Variants in CCDC197 observed in about 807,000 individuals in gnomAD.
The protein encoded by CCDC197 is uncharacterized protein CCDC197.
Under a neutral mutation model 13.4 loss-of-function variants are expected in CCDC197, and 24 were observed. That is an observed-to-expected ratio of 1.80 (90% CI 1.30 to 2.53). The LOEUF (loss-of-function observed/expected upper bound fraction) is 2.53, where lower values mean the gene tolerates loss of function less well. CCDC197 is among the 30% of genes most tolerant of loss of function. CCDC197 has a pLI of 0.00. For missense variants in CCDC197, 255 were observed against 148.8 expected, an observed-to-expected ratio of 1.71 and a Z score of -3.71; for synonymous variants, 99 against 55.5, an observed-to-expected ratio of 1.78 and a Z score of -3.48.
At position 93,988,333 on chromosome 14, in the gene CCDC197, G is replaced by A. The variant is rs111068082; in HGVS notation, c.-107+937G>A. On this transcript the variant is annotated intron_variant, in intron 1 of 7. Transcript: ENST00000640978. ...GGAGGAAGGATGGAAGGAGGGGAAG[G>A]GAGGAGCAGATGGGAGGAGGGAGAG... is the stretch of plus-strand genomic sequence containing the variant. Among the ~76,000 whole-genome samples the A allele has an allele frequency of 4.8e-3, 545 of 113,266 alleles. 13 individuals carry two copies. Among genetic ancestry groups the A allele is most frequent in the African/African-American group, 0.019 (508 of 26,748 alleles). 74.3% of individuals were successfully genotyped at this position (113,266 alleles called of 152,430 possible).
chr14:93,994,071 G>A (rs1432815107), upstream of CCDC197, among the ~76,000 whole-genome samples: 7 of 152,172 alleles, frequency 4.6e-5, no homozygotes, highest in South Asian at 8.3e-4. Context: ...GAGCCAGGGC[G>A]GTGAAGAGGG....
chr14:93,996,406 G>GTCAGGGA (rs1890307598), upstream of CCDC197, among the ~76,000 whole-genome samples: 2 of 151,984 alleles, frequency 1.3e-5, no homozygotes, highest in African/African-American at 4.8e-5. Context: ...CCCTGCCCCT[G>GTCAGGGA]CCCCTGAGCC....
exon 1 of CCDC197, chr14:93,987,313 G>C (rs12889718): frequency 0.29 from 44,331 of 152,328 alleles, 7,464 homozygotes; most frequent in African/African-American, 0.45. Flanking sequence ...CAGAGGTCTG[G>C]TTTCTGACCC....
intron 5 of CCDC197, 77 bp from the exon 6 acceptor site, chr14:94,004,778 C>G (rs900682267): frequency 1.5e-6 from 1 of 676,400 alleles, no homozygotes; most frequent in South Asian, 1.6e-5. Flanking sequence ...ACTTCGCTGG[C>G]TGGAGTGAGC....
At chr14:93,993,274 A>G (rs1890238174), upstream of CCDC197, among the ~76,000 whole-genome samples, 1 of 152,200 alleles carries the variant, frequency 6.6e-6, no homozygotes, top group African/African-American at 2.4e-5. Flanking sequence ...GTCAGAACAG[A>G]TACTCTCTTA....
downstream of CCDC197, among the ~76,000 whole-genome samples, chr14:94,009,740 G>A (rs1311217576): frequency 6.6e-6 from 1 of 152,062 alleles, no homozygotes; most frequent in African/African-American, 2.4e-5. Context: ...AAAAAAAACA[G>A]GGGTGGTGGT....
At chr14:94,011,021 G>A (rs1890799565), downstream of CCDC197, among the ~76,000 whole-genome samples, 1 of 152,162 alleles carries the variant, frequency 6.6e-6, no homozygotes, top group Non-Finnish European at 1.5e-5. Flanking sequence ...GCTGGTCCTG[G>A]GGTTACATTT....
At chr14:93,991,287 G>A (rs1490749810) in intron 1 of CCDC197, among the ~76,000 whole-genome samples, 2 of 152,200 alleles carry the variant, frequency 1.3e-5, no homozygotes, top group African/African-American at 2.4e-5. Flanking sequence ...ATGAAGTGAA[G>A]AGGCCATTCT....
chr14:93,991,578 G>C (rs888443688), intron 1 of CCDC197, among the ~76,000 whole-genome samples: 2 of 152,212 alleles, frequency 1.3e-5, no homozygotes, highest in Non-Finnish European at 2.9e-5. Flanking sequence ...TAGACACGGA[G>C]ACTCCAGCAG....
rs375848337 is a variant in CCDC197, at chr14:94,003,276, G to A, written c.420G>A (p.Glu140=). The A allele has an allele frequency of 1.0e-5, 8 of 780,756 alleles. No homozygotes were observed. The African/African-American group carries it at 1.2e-4, about 12-fold the overall frequency. 48.4% of individuals were successfully genotyped at this position (780,756 alleles called of 1,614,324 possible). Residue 140 remains glutamate (E), a synonymous_variant, in exon 5 of 7, where the codon GAG becomes GAA. Transcript: ENST00000636493. The surrounding 1 kb of genome is among the most constrained non-coding windows in gnomAD (Gnocchi z 5.0). ...QLQKKCYRKQ[E]QWWQLKHSIT... The stretch of plus-strand genomic sequence containing the variant: ...AGAAGAAGTGCTACCGCAAGCAGGA[G>A]CAGTGGTGGCAGCTGAAGCACAGCA...
chr14:94,005,246 A>G (rs1890648626), intron 6 of CCDC197, among the ~76,000 whole-genome samples: 1 of 152,232 alleles, frequency 6.6e-6, no homozygotes, highest in Non-Finnish European at 1.5e-5. Context: ...CATCACACAC[A>G]GGCACACGCA....
downstream of CCDC197, among the ~76,000 whole-genome samples, chr14:94,009,060 G>A (rs531097582): frequency 7.9e-5 from 12 of 152,330 alleles, no homozygotes; most frequent in East Asian, 2.3e-3. Context: ...GCAGCAGCCA[G>A]GCTGGAAGAT....
chr14:94,001,434 T>G (rs539677482), intron 4 of CCDC197, 111 bp downstream of exon 4: 38 of 560,482 alleles, frequency 6.8e-5, no homozygotes, highest in African/African-American at 5.9e-4. Context: ...AGCGGCGTAA[T>G]GCTGGGGGGC....
upstream of CCDC197, among the ~76,000 whole-genome samples, chr14:93,995,122 G>A (rs1320776703): frequency 2.0e-5 from 3 of 152,132 alleles, no homozygotes; most frequent in Admixed American, 1.3e-4. Context: ...AGTCACTCCC[G>A]CTGCCACGCT....
At chr14:94,002,488 C>T (rs867042340) in intron 4 of CCDC197, among the ~76,000 whole-genome samples, 1 of 152,108 alleles carries the variant, frequency 6.6e-6, no homozygotes, top group African/African-American at 2.4e-5. Context: ...TCCCACAGGG[C>T]CTGGCCAGGG....
chr14:93,994,988 A>G (rs1465309187), upstream of CCDC197, among the ~76,000 whole-genome samples: 1 of 152,166 alleles, frequency 6.6e-6, no homozygotes, highest in Non-Finnish European at 1.5e-5. Context: ...TATTTTGGGC[A>G]AGTTACTTAG....
intron 6 of CCDC197, among the ~76,000 whole-genome samples, chr14:94,007,923 G>GTAC (rs1290181122): frequency 3.3e-5 from 5 of 152,252 alleles, no homozygotes; most frequent in African/African-American, 1.2e-4. Context: ...CTCACAGGCA[G>GTAC]TACCGAGGCT....
Position 94,008,714 on chromosome 14 carries a change from C to A in CCDC197, c.721C>A (p.His241Asn), listed in dbSNP as rs1890753567. 1 of 702,824 alleles carries A rather than the reference C, an allele frequency of 1.4e-6. No individual in the cohort carries two copies. The allele number at this position is 702,824 out of a possible 1,614,324, so 43.5% of individuals were successfully genotyped here. Residue 241 changes from histidine to asparagine, a missense_variant, in exon 7 of 7, where the codon CAC becomes AAC. His to Asn is a moderately conservative substitution (Grantham distance 68). Coordinates refer to ENST00000636493, the MANE Select transcript of CCDC197 (RefSeq NM_001351596.2). ...DSFGDQWLRR[H>N]PKPFRKCPRR... Reference sequence around the variant, plus strand: ...CTTCGGGGACCAGTGGCTCAGAAGACACCCCAAACCCTTCAGGAAATGTCC... The same window carrying A: ...CTTCGGGGACCAGTGGCTCAGAAGAAACCCCAAACCCTTCAGGAAATGTCC...
intron 1 of CCDC197, 149 bp downstream of exon 1, chr14:93,997,720 C>T (rs753484497): frequency 4.5e-5 from 8 of 177,340 alleles, no homozygotes; most frequent in Admixed American, 1.1e-4. Flanking sequence ...CCTATGACTT[C>T]TTCCATCATT....
Sources: gnomAD v4.1 joint callset for allele counts (sites outside exome capture counted in the v4.1 genomes callset) on GRCh38, gnomAD v4.1.1 for gene constraint, Gnocchi (gnomAD v3.1) non-coding constraint, MANE v1.5 for transcripts, NCBI Gene and HGNC (gene_info 2026-07-23, HGNC 2026-07-21) for gene names.